SPATS2L: variants seen among roughly 807,000 people sequenced by gnomAD.
The protein encoded by SPATS2L is SPATS2-like protein.
SPATS2L carries 30 observed loss-of-function variants against 59.6 expected under a neutral mutation model. The ratio of observed to expected loss-of-function variants is 0.50; its 90% CI spans 0.38 to 0.68. The LOEUF (loss-of-function observed/expected upper bound fraction) is 0.68, where lower values mean the gene tolerates loss of function less well. Among genes scored for constraint, SPATS2L ranks in the 30% least tolerant of loss-of-function variants. SPATS2L has a pLI of 0.00. For missense variants in SPATS2L, 615 were observed against 700.0 expected, an observed-to-expected ratio of 0.88 and a Z score of 1.37; for synonymous variants, 252 against 263.5, an observed-to-expected ratio of 0.96 and a Z score of 0.42.
At chr2:200,364,732 A>C (rs2081215593) in intron 2 of SPATS2L, among the ~76,000 whole-genome samples, 1 of 152,174 alleles carries the variant, frequency 6.6e-6, no homozygotes, top group Admixed American at 6.5e-5. Context: ...CCTGGACTGC[A>C]GGAATGTCTG....
chr2:200,380,637 A>C (rs977703378), intron 2 of SPATS2L, among the ~76,000 whole-genome samples: 1 of 152,248 alleles, frequency 6.6e-6, no homozygotes, highest in Admixed American at 6.5e-5. Flanking sequence ...CTTAGTAGGC[A>C]GTGACATTTC....
At chr2:200,474,831 G>T (rs1217139488) in intron 12 of SPATS2L, among the ~76,000 whole-genome samples, 4 of 152,114 alleles carry the variant, frequency 2.6e-5, no homozygotes, top group Non-Finnish European at 4.4e-5. Context: ...ATGGCCCTTG[G>T]ACCGGGCCCT....
At chr2:200,307,768 C>T (rs778744277) in intron 1 of SPATS2L, among the ~76,000 whole-genome samples, 1 of 152,224 alleles carries the variant, frequency 6.6e-6, no homozygotes, top group Non-Finnish European at 1.5e-5. Context: ...CGTGTTCCCG[C>T]GGGGTTGGTG....
At chr2:200,396,026 AAAAAAAAAT>A (rs1181374383) in intron 3 of SPATS2L, among the ~76,000 whole-genome samples, 2 of 47,100 alleles carry the variant, frequency 4.2e-5, no homozygotes, top group African/African-American at 1.1e-4. Flanking sequence ...AAAAAAAAAA[AAAAAAAAAT>A]ATATATATAT....
chr2:200,382,243 T>A (rs2081841457), intron 2 of SPATS2L, among the ~76,000 whole-genome samples: 1 of 152,088 alleles, frequency 6.6e-6, no homozygotes, highest in South Asian at 2.1e-4. Context: ...CCCAGCTAAT[T>A]TTTGTATTTT....
intron 2 of SPATS2L, among the ~76,000 whole-genome samples, chr2:200,388,627 A>T (rs1370351215): frequency 7.2e-6 from 1 of 139,324 alleles, no homozygotes. Flanking sequence ...CCCCCCACCC[A>T]GAAAAAGACT....
Position 200,477,939 on chromosome 2 carries a change from A to C in SPATS2L, c.1585A>C (p.Arg529=). The change falls in exon 13 of 13, where the codon AGG becomes CGG. Residue 529 remains arginine (R), a synonymous_variant. Transcript: ENST00000409140. ...CAGGCCCTTCCGGGGTAGTGTCGGT[A>C]GGGTTTCACAGTGCAATCTCTGCCC... is the stretch of plus-strand genomic sequence containing the variant. ...EARPFRGSVG[R]VSQCNLCPTR... 6.2e-7 allele frequency: 1 copy of C among 1,611,744 alleles called. No individual in the cohort carries two copies.
At chr2:200,335,937 T>C (rs1189859067) in intron 2 of SPATS2L, among the ~76,000 whole-genome samples, 3 of 152,228 alleles carry the variant, frequency 2.0e-5, no homozygotes, top group Admixed American at 6.5e-5. Flanking sequence ...AGTGCCCAGC[T>C]CAGGGGCTTC....
chr2:200,349,465 G>A (rs543710782), intron 2 of SPATS2L, among the ~76,000 whole-genome samples: 2 of 152,276 alleles, frequency 1.3e-5, no homozygotes, highest in South Asian at 4.1e-4. Context: ...GTGAAACCTC[G>A]TCTCTACTAA....
At chr2:200,344,614 G>C (rs1317985720) in intron 2 of SPATS2L, among the ~76,000 whole-genome samples, 1 of 152,112 alleles carries the variant, frequency 6.6e-6, no homozygotes, top group African/African-American at 2.4e-5. Context: ...TCAAATGGTA[G>C]TTCTGTTTTT....
At chr2:200,454,988 T>C (rs2085735491) in intron 8 of SPATS2L, among the ~76,000 whole-genome samples, 1 of 152,242 alleles carries the variant, frequency 6.6e-6, no homozygotes, top group Admixed American at 6.5e-5. Context: ...CCACCATAGT[T>C]TGCAAACTGC....
chr2:200,411,770 T>C (rs1225307319), intron 3 of SPATS2L, among the ~76,000 whole-genome samples: 1 of 152,238 alleles, frequency 6.6e-6, no homozygotes, highest in Non-Finnish European at 1.5e-5. Context: ...TTTTGGACTA[T>C]AGCTAAGATT....
rs961522078 is a variant in SPATS2L, at chr2:200,478,251, T to C, written c.*220T>C. On this transcript the variant is annotated 3_prime_UTR_variant, in exon 13 of 13. Transcript: ENST00000409140. ...TTGATGCTTTCTCTCATCAAGACTT[T>C]GCAGCATTTTAGCCAGGCAGTATTT... 3 of 420,318 alleles carry C rather than the reference T, an allele frequency of 7.1e-6. No homozygotes were observed. Among genetic ancestry groups the C allele is most frequent in the African/African-American group, 4.1e-5 (2 of 48,762 alleles). 26.0% of individuals were successfully genotyped at this position (420,318 alleles called of 1,614,324 possible). A position where few individuals can be genotyped will look rare whatever the true frequency, so the allele number is the denominator to read the frequency against.
intron 6 of SPATS2L, among the ~76,000 whole-genome samples, chr2:200,431,741 T>G (rs1574507014): frequency 6.6e-6 from 1 of 152,314 alleles, no homozygotes; most frequent in East Asian, 1.9e-4. Flanking sequence ...TTCAGAAACT[T>G]TCAAATTTGA....
At chr2:200,395,195 A>G (rs746078004) in intron 3 of SPATS2L, among the ~76,000 whole-genome samples, 11 of 152,268 alleles carry the variant, frequency 7.2e-5, no homozygotes, top group Non-Finnish European at 1.5e-4. Flanking sequence ...AATAATTTTA[A>G]CTGAATAAGA....
At chr2:200,476,530 T>C (rs1234000400) in intron 12 of SPATS2L, among the ~76,000 whole-genome samples, 1 of 152,246 alleles carries the variant, frequency 6.6e-6, no homozygotes, top group African/African-American at 2.4e-5. Context: ...TGCCTCACTT[T>C]CTCAGCCTGA....
chr2:200,388,432 T>G (rs2082061517), intron 2 of SPATS2L, among the ~76,000 whole-genome samples: 1 of 151,524 alleles, frequency 6.6e-6, no homozygotes, highest in African/African-American at 2.4e-5. Flanking sequence ...ATTAGCTGAG[T>G]GTGGTGGTGC....
chr2:200,475,243 A>T (rs537060522), intron 12 of SPATS2L, among the ~76,000 whole-genome samples: 14 of 152,328 alleles, frequency 9.2e-5, no homozygotes, highest in Admixed American at 6.5e-5. Flanking sequence ...AAAATCTGAG[A>T]CAGGTCTCAG....
intron 2 of SPATS2L, among the ~76,000 whole-genome samples, chr2:200,363,107 A>G (rs2081161897): frequency 6.6e-6 from 1 of 152,134 alleles, no homozygotes; most frequent in African/African-American, 2.4e-5. Flanking sequence ...TTATTGCTAC[A>G]CGTCTCTGAA....
Sources: allele counts gnomAD v4.1 joint callset (sites outside exome capture counted in the v4.1 genomes callset), GRCh38; gene constraint gnomAD v4.1.1; transcripts MANE v1.5; gene names NCBI Gene and HGNC (gene_info 2026-07-23, HGNC 2026-07-21).